Variants in KHDRBS3 observed in about 807,000 individuals in gnomAD.
KHDRBS3 encodes KH domain-containing, RNA-binding, signal transduction-associated protein 3.
A neutral mutation model predicts 45.6 loss-of-function variants in KHDRBS3; 23 were observed. That is an observed-to-expected ratio of 0.50 (90% CI 0.36 to 0.72). The LOEUF (loss-of-function observed/expected upper bound fraction) is 0.72, where lower values mean the gene tolerates loss of function less well. KHDRBS3 is among the 30% of genes least tolerant of loss of function. KHDRBS3 has a pLI of 0.00. For missense variants in KHDRBS3, 352 were observed against 424.8 expected (o/e 0.83, Z 1.51); for synonymous variants, 162 against 156.5 (o/e 1.04, Z -0.26).
Position 135,647,079 on chromosome 8 carries a change from T to C in KHDRBS3, c.1036T>C (p.Tyr346His), listed in dbSNP as rs527580581. 4 of 1,557,728 alleles carry C rather than the reference T, an allele frequency of 2.6e-6. No individual in the cohort carries two copies. Among genetic ancestry groups the C allele is most frequent in the Non-Finnish European group, 3.5e-6 (4 of 1,128,750 alleles). The change falls in exon 9 of 9, where the codon TAC becomes CAC. Residue 346 changes from tyrosine to histidine, a missense_variant. By Grantham distance (83) the Tyr-to-His change is moderately conservative. Transcript: ENST00000355849. Reference protein sequence around the residue: ...GVYRDQPYGRY With the variant: ...GVYRDQPYGRH ...CTACAGAGACCAGCCATATGGCAGA[T>C]ACTGATTGTACTGTCTGATGTTGTG...
At chr8:135,501,693 G>A (rs1365733672) in intron 1 of KHDRBS3, among the ~76,000 whole-genome samples, 1 of 151,954 alleles carries the variant, frequency 6.6e-6, no homozygotes, top group East Asian at 1.9e-4. Context: ...TCGCAGAAAA[G>A]TTTGAGTGTA....
At chr8:135,539,411 C>A (rs1028867993) in intron 2 of KHDRBS3, 10 of 152,292 alleles carry the variant, frequency 6.6e-5, no homozygotes, top group African/African-American at 2.4e-4. Context: ...TGGCCTGGGC[C>A]AGGTCATGCC....
Position 135,582,080 on chromosome 8 carries a change from GA to G in KHDRBS3, c.807+9del. On this transcript the variant is annotated splice_region_variant and intron_variant, in intron 6 of 8. Transcript: ENST00000355849. ...AGAGACTTATGGAGAATATGTAAGT[GA>G]AGGTGTCAGACAACAGCCTTGTTCA... 1 of 1,529,944 alleles carries G rather than the reference GA, an allele frequency of 6.5e-7. No individual in the cohort carries two copies. The highest frequency in any genetic ancestry group is 8.8e-7 in the Non-Finnish European group (1 of 1,131,322). The allele number at this position is 1,529,944 out of a possible 1,614,324, so 94.8% of individuals were successfully genotyped here.
intron 2 of KHDRBS3, 106 bp from the exon 3 acceptor site, chr8:135,542,548 C>A: frequency 1.4e-6 from 1 of 692,998 alleles, no homozygotes; most frequent in Non-Finnish European, 2.6e-6. Flanking sequence ...TAAATATTTG[C>A]CATTAATCAA....
At chr8:135,618,580 C>T (rs1830011715) in intron 7 of KHDRBS3, among the ~76,000 whole-genome samples, 1 of 152,048 alleles carries the variant, frequency 6.6e-6, no homozygotes, top group South Asian at 2.1e-4. Context: ...TAGTAAGTAA[C>T]TGAGTTGTAG....
downstream of KHDRBS3, among the ~76,000 whole-genome samples, chr8:135,651,193 C>G (rs13259595): frequency 0.16 from 24,249 of 152,020 alleles, 2,510 homozygotes; most frequent in Middle Eastern, 0.25. Flanking sequence ...TACTTCCGCT[C>G]TGCCCTTCAC....
chr8:135,494,513 C>T (rs1158321013), intron 1 of KHDRBS3, among the ~76,000 whole-genome samples: 2 of 151,986 alleles, frequency 1.3e-5, no homozygotes, highest in African/African-American at 2.4e-5. Flanking sequence ...CTCCTGACCT[C>T]GTGATCCACC....
In KHDRBS3 at chr8:135,552,690, T is replaced by C. The variant is rs1356536771; in HGVS notation, c.471+3790T>C. Among the ~76,000 whole-genome samples, 3 of 152,176 alleles carry C rather than the reference T, an allele frequency of 2.0e-5. No individual in the cohort carries two copies. The East Asian group carries it at 5.8e-4, about 29-fold the overall frequency. On this transcript the variant is annotated intron_variant, in intron 4 of 8. Coordinates refer to ENST00000355849, the MANE Select transcript of KHDRBS3 (RefSeq NM_006558.3). Reference sequence around the variant, plus strand: ...TTTGTCTTCTATTTCTTTAATAATTTAGTTGGAATAAATTTGCAGCCTGTC... The same window carrying C: ...TTTGTCTTCTATTTCTTTAATAATTCAGTTGGAATAAATTTGCAGCCTGTC...
At chr8:135,538,067 G>GA (rs1272336941) in intron 2 of KHDRBS3, among the ~76,000 whole-genome samples, 2 of 152,168 alleles carry the variant, frequency 1.3e-5, no homozygotes, top group East Asian at 3.9e-4. Flanking sequence ...AAGTCAGGCA[G>GA]AAAAAGGCTT....
intron 5 of KHDRBS3, among the ~76,000 whole-genome samples, chr8:135,577,341 T>C (rs952246281): frequency 6.6e-6 from 1 of 152,188 alleles, no homozygotes; most frequent in Non-Finnish European, 1.5e-5. Context: ...AAGTGCTTTG[T>C]GTCATGTATT....
intron 1 of KHDRBS3, among the ~76,000 whole-genome samples, chr8:135,490,562 T>C (rs1823096174): frequency 6.6e-6 from 1 of 152,214 alleles, no homozygotes; most frequent in African/African-American, 2.4e-5. Flanking sequence ...TTATCAATAT[T>C]AATACCTGTA....
intron 6 of KHDRBS3, among the ~76,000 whole-genome samples, chr8:135,600,857 C>G (rs1158530007): frequency 6.6e-6 from 1 of 152,120 alleles, no homozygotes; most frequent in Non-Finnish European, 1.5e-5. Context: ...CACCACCATG[C>G]CTGGCTAAGT....
chr8:135,511,166 C>A (rs1824264313), intron 1 of KHDRBS3, among the ~76,000 whole-genome samples: 2 of 152,168 alleles, frequency 1.3e-5, no homozygotes, highest in African/African-American at 4.8e-5. Context: ...TAACTTGGGG[C>A]TGGAATCCTG....
chr8:135,581,412 T>C (rs1586753865), intron 5 of KHDRBS3, among the ~76,000 whole-genome samples: 1 of 152,346 alleles, frequency 6.6e-6, no homozygotes, highest in East Asian at 1.9e-4. Context: ...TATTTTATTG[T>C]CTCTCTGGTG....
intron 6 of KHDRBS3, among the ~76,000 whole-genome samples, chr8:135,583,680 T>C (rs1563785669): frequency 1.3e-5 from 2 of 152,182 alleles, no homozygotes; most frequent in South Asian, 4.1e-4. Flanking sequence ...AATCCACTTA[T>C]TTCAGAAAGA....
chr8:135,463,388 A>G (rs1821530241), intron 1 of KHDRBS3, among the ~76,000 whole-genome samples: 1 of 152,182 alleles, frequency 6.6e-6, no homozygotes, highest in South Asian at 2.1e-4. Flanking sequence ...AGTTCTGCCC[A>G]TATCAATGAA....
In KHDRBS3 at chr8:135,621,720, G is replaced by T. The variant is rs112341804; in HGVS notation, c.890+14683G>T. On this transcript the variant is annotated intron_variant, in intron 7 of 8. Transcript: ENST00000355849. ...AGAAGAGCACAAAAAAAAAAAAAAC[G>T]TGCAGTGGTCCTATGAAGAGATTGA... Among the ~76,000 whole-genome samples, 223 of 148,526 alleles carry T rather than the reference G, an allele frequency of 1.5e-3. 2 individuals carry two copies. The highest frequency in any genetic ancestry group is 4.8e-3 in the African/African-American group (195 of 40,654).
At chr8:135,577,333 G>A (rs572173828) in intron 5 of KHDRBS3, among the ~76,000 whole-genome samples, 1 of 152,260 alleles carries the variant, frequency 6.6e-6, no homozygotes, top group South Asian at 2.1e-4. Flanking sequence ...GTTTTGACAA[G>A]TGCTTTGTGT....
At position 135,567,903 on chromosome 8, in the gene KHDRBS3, A is replaced by T. The variant is rs183641492; in HGVS notation, c.611+10316A>T. 3.5e-3 allele frequency among the ~76,000 whole-genome samples: 528 copies of T among 152,368 alleles called. 1 individual carries two copies. Among genetic ancestry groups the T allele is most frequent in the Non-Finnish European group, 4.2e-3 (286 of 68,034 alleles). On this transcript the variant is annotated intron_variant, in intron 5 of 8. Transcript: ENST00000355849. ...TTTCTTTGCCCCTGAAGGGTAGCAC[A>T]TAGAAAAGAAAGCTTTAGAATCAGA... is the stretch of plus-strand genomic sequence containing the variant.
Sources: gnomAD v4.1 joint callset for allele counts (sites outside exome capture counted in the v4.1 genomes callset) on GRCh38, gnomAD v4.1.1 for gene constraint, MANE v1.5 for transcripts, NCBI Gene and HGNC (gene_info 2026-07-23, HGNC 2026-07-21) for gene names.